Variants in HEXB observed in about 807,000 individuals in gnomAD.
HEXB encodes the protein beta-hexosaminidase subunit beta.
Under a neutral mutation model 71.2 loss-of-function variants are expected in HEXB, and 51 were observed. The observed-to-expected ratio is 0.72, with a 90% CI of 0.57 to 0.90. HEXB has a LOEUF of 0.90. Among genes scored for constraint, HEXB ranks in the 40% least tolerant of loss-of-function variants. The probability of loss-of-function intolerance (pLI) is 0.00; values close to 1 mark genes in which losing one functional copy is unlikely to be tolerated. For synonymous variants in HEXB, 266 were observed against 249.3 expected (o/e 1.07, Z -0.63); for missense variants, 617 against 677.0 (o/e 0.91, Z 0.98).
At chr5:74,672,708 T>G (rs1748562090) in intron 1 of HEXB, among the ~76,000 whole-genome samples, 1 of 152,220 alleles carries the variant, frequency 6.6e-6, no homozygotes, top group Admixed American at 6.5e-5. Context: ...CCCTGAGAGA[T>G]GTCCTGTCAC....
intron 5 of HEXB, among the ~76,000 whole-genome samples, chr5:74,703,238 C>A (rs1377904264): frequency 6.6e-6 from 1 of 152,238 alleles, no homozygotes; most frequent in Admixed American, 6.5e-5. Flanking sequence ...CAGGCGTGAG[C>A]CACTGTGCCC....
Position 74,652,096 on chromosome 5 carries a change from G to A in HEXB, c.-377+11538G>A, listed in dbSNP as rs936475002. ...CTCAACTCTGGCATGAGATGTCTAC[G>A]TGGAAATTAAAATGATGAACTCTTT... On this transcript the variant is annotated intron_variant, in intron 1 of 13. Transcript: ENST00000511181. The surrounding 1 kb of genome is among the most constrained non-coding windows in gnomAD (Gnocchi z 5.4). Among the ~76,000 whole-genome samples the A allele has an allele frequency of 3.9e-5, 6 of 152,160 alleles. No individual in the cohort carries two copies. The highest frequency in any genetic ancestry group is 1.4e-4 in the African/African-American group (6 of 41,428).
intron 5 of HEXB, among the ~76,000 whole-genome samples, chr5:74,698,221 G>A (rs1169600244): frequency 6.6e-6 from 1 of 151,234 alleles, no homozygotes; most frequent in Non-Finnish European, 1.5e-5. Flanking sequence ...GGGACTACAG[G>A]CATGCACCAC....
At chr5:74,644,122 G>A (rs143229118) in intron 1 of HEXB, among the ~76,000 whole-genome samples, 10 of 152,320 alleles carry the variant, frequency 6.6e-5, no homozygotes, top group Non-Finnish European at 1.0e-4. Flanking sequence ...CATATGTTGC[G>A]ATCAACATCC....
chr5:74,711,768 A>G (rs1330155776), intron 6 of HEXB, among the ~76,000 whole-genome samples: 2 of 152,120 alleles, frequency 1.3e-5, no homozygotes, highest in Non-Finnish European at 2.9e-5. Flanking sequence ...GGCAATCATT[A>G]AAAAGTCAGG....
Position 74,652,356 on chromosome 5 carries a change from T to C in HEXB, c.-377+11798T>C, listed in dbSNP as rs951618768. Among the ~76,000 whole-genome samples, 1 of 152,080 alleles carries C rather than the reference T, an allele frequency of 6.6e-6. No homozygotes were observed. Among genetic ancestry groups the C allele is most frequent in the Non-Finnish European group, 1.5e-5 (1 of 67,996 alleles). On this transcript the variant is annotated intron_variant, in intron 1 of 13. Coordinates refer to the HEXB transcript ENST00000511181. This position sits in a 1 kb window ranked among gnomAD's most constrained non-coding sequence, Gnocchi z 5.4. ...TTTTCAGAGCTGTGCTCTCCTAGTG[T>C]GTGGGCCTCCTGGCCCACGTGTCCA...
At chr5:74,655,240 ACAT>A (rs1748195789) in intron 1 of HEXB, among the ~76,000 whole-genome samples, 1 of 152,172 alleles carries the variant, frequency 6.6e-6, no homozygotes, top group South Asian at 2.1e-4. Flanking sequence ...AGCGATAAGA[ACAT>A]CAAGCTTTTA....
chr5:74,670,168 C>A (rs1045971986), intron 1 of HEXB, among the ~76,000 whole-genome samples: 1 of 152,086 alleles, frequency 6.6e-6, no homozygotes, highest in African/African-American at 2.4e-5. Context: ...TTTACATATA[C>A]CTACACTTCC....
At chr5:74,690,510 A>G (rs1377314619) in intron 2 of HEXB, among the ~76,000 whole-genome samples, 2 of 151,796 alleles carry the variant, frequency 1.3e-5, no homozygotes, top group Non-Finnish European at 2.9e-5. Flanking sequence ...AAGTTAGCCA[A>G]GCGTGTTGGT....
intron 1 of HEXB, among the ~76,000 whole-genome samples, chr5:74,676,612 A>G (rs553015057): frequency 3.5e-4 from 54 of 152,196 alleles, no homozygotes; most frequent in Non-Finnish European, 7.2e-4. Flanking sequence ...GTAAAAATAC[A>G]AAAATTAGCT....
At chr5:74,646,671 G>T (rs750450687) in intron 1 of HEXB, among the ~76,000 whole-genome samples, 1 of 151,490 alleles carries the variant, frequency 6.6e-6, no homozygotes, top group Non-Finnish European at 1.5e-5. Flanking sequence ...GAGTTCAAGC[G>T]ATTCTCCTGC....
At chr5:74,713,409 T>A in intron 6 of HEXB, 97 bp from the exon 7 acceptor site, 2 of 1,155,732 alleles carry the variant, frequency 1.7e-6, no homozygotes, top group Admixed American at 1.7e-5. Context: ...AGTGAAAAAA[T>A]TAGCTGTCAA....
chr5:74,666,600 G>A (rs908752906), intron 1 of HEXB, among the ~76,000 whole-genome samples: 1 of 152,146 alleles, frequency 6.6e-6, no homozygotes, highest in African/African-American at 2.4e-5. Context: ...CAAAGTCACA[G>A]CCCTAAGAGG....
intron 1 of HEXB, among the ~76,000 whole-genome samples, chr5:74,643,757 G>C (rs548523860): frequency 6.6e-6 from 1 of 152,106 alleles, no homozygotes; most frequent in African/African-American, 2.4e-5. Flanking sequence ...AACACGGTGC[G>C]ATCATGGTAC....
At chr5:74,685,203 G>C (rs1476141043), upstream of HEXB, 3 of 1,442,074 alleles carry the variant, frequency 2.1e-6, no homozygotes, top group Admixed American at 2.6e-5. Context: ...GGGCCGGGCG[G>C]GAAGTCGGGT....
At chr5:74,683,237 C>A (rs964629003), upstream of HEXB, among the ~76,000 whole-genome samples, 1 of 151,922 alleles carries the variant, frequency 6.6e-6, no homozygotes, top group Non-Finnish European at 1.5e-5. Flanking sequence ...AAAGACACGG[C>A]AAGATTAGAG....
chr5:74,646,526 T>C (rs1001370068), intron 1 of HEXB, among the ~76,000 whole-genome samples: 51 of 152,132 alleles, frequency 3.4e-4, no homozygotes, highest in African/African-American at 1.2e-3. Context: ...TGTTTTGTAC[T>C]GGGACCACTG....
At chr5:74,669,042 A>G (rs1279542643) in intron 1 of HEXB, among the ~76,000 whole-genome samples, 2 of 151,690 alleles carry the variant, frequency 1.3e-5, no homozygotes, top group African/African-American at 4.8e-5. Context: ...GCTCACCACA[A>G]CCTCTGCCTC....
intron 1 of HEXB, among the ~76,000 whole-genome samples, chr5:74,663,970 T>G (rs1433137731): frequency 1.3e-5 from 2 of 150,620 alleles, no homozygotes; most frequent in African/African-American, 4.9e-5. Context: ...TACAAAAAAC[T>G]TTAGGCCAGG....
Sources: allele counts gnomAD v4.1 joint callset (sites outside exome capture counted in the v4.1 genomes callset), GRCh38; gene constraint gnomAD v4.1.1; non-coding constraint Gnocchi (gnomAD v3.1); transcripts MANE v1.5; gene names NCBI Gene and HGNC (gene_info 2026-07-23, HGNC 2026-07-21).